Variants in RECK observed in about 807,000 individuals in gnomAD.
RECK encodes the protein reversion-inducing cysteine-rich protein with Kazal motifs.
In RECK, 69 loss-of-function variants were observed where a neutral mutation model predicts 115.1. The ratio of observed to expected loss-of-function variants is 0.60; its 90% CI spans 0.49 to 0.73. The LOEUF is 0.73. RECK is among the 30% of genes least tolerant of loss of function. The pLI, the probability that RECK is intolerant of heterozygous loss-of-function variation, is 0.00. For synonymous variants in RECK, 414 were observed against 419.7 expected (o/e 0.99, Z 0.17); for missense variants, 1,047 against 1,203.7 (o/e 0.87, Z 1.93).
At chr9:36,117,572 A>C (rs1587098662) in intron 17 of RECK, among the ~76,000 whole-genome samples, 1 of 152,228 alleles carries the variant, frequency 6.6e-6, no homozygotes, top group East Asian at 1.9e-4. Context: ...TTCCCACATC[A>C]GTCCCACCTC....
At chr9:36,089,560 T>A (rs568306104) in intron 9 of RECK, among the ~76,000 whole-genome samples, 2 of 152,312 alleles carry the variant, frequency 1.3e-5, no homozygotes, top group East Asian at 3.9e-4. Flanking sequence ...AGTGCTGACA[T>A]GACACCACAA....
At chr9:36,063,226 C>G (rs1419006118) in intron 4 of RECK, among the ~76,000 whole-genome samples, 2 of 152,104 alleles carry the variant, frequency 1.3e-5, no homozygotes, top group Non-Finnish European at 2.9e-5. Flanking sequence ...ATCAATTGAA[C>G]CAGAATAATA....
At chr9:36,107,195 G>A (rs557807478) in intron 13 of RECK, among the ~76,000 whole-genome samples, 1 of 151,568 alleles carries the variant, frequency 6.6e-6, no homozygotes, top group East Asian at 1.9e-4. Context: ...GATAGAAAAT[G>A]GAAAATGGGT....
At chr9:36,115,029 T>C (rs192413252) in intron 16 of RECK, among the ~76,000 whole-genome samples, 70 of 152,120 alleles carry the variant, frequency 4.6e-4, no homozygotes, top group Admixed American at 4.5e-3. Context: ...AAATAATTAA[T>C]TGTGGCCGGG....
chr9:36,075,397 TAA>T (rs1822411643), intron 6 of RECK, among the ~76,000 whole-genome samples: 2 of 152,172 alleles, frequency 1.3e-5, no homozygotes, highest in African/African-American at 4.8e-5. Context: ...TCTAGACCTA[TAA>T]AGCTCATTTC....
At chr9:36,096,766 G>A (rs1823357066) in intron 10 of RECK, among the ~76,000 whole-genome samples, 1 of 152,104 alleles carries the variant, frequency 6.6e-6, no homozygotes, top group African/African-American at 2.4e-5. Flanking sequence ...CAAAGATTTT[G>A]TAGACAGGAC....
chr9:36,096,230 C>T (rs1195503743), intron 10 of RECK, among the ~76,000 whole-genome samples: 2 of 147,094 alleles, frequency 1.4e-5, no homozygotes, highest in Non-Finnish European at 3.0e-5. Context: ...GAGTGAGACC[C>T]TATCTCAAAA....
chr9:36,115,451 G>A (rs942223449), intron 16 of RECK, among the ~76,000 whole-genome samples: 5 of 151,928 alleles, frequency 3.3e-5, no homozygotes, highest in African/African-American at 7.3e-5. Context: ...CCCTGCTCAC[G>A]TTTACTTTTA....
At chr9:36,092,358 G>A (rs1366592150) in intron 10 of RECK, among the ~76,000 whole-genome samples, 13 of 151,772 alleles carry the variant, frequency 8.6e-5, no homozygotes, top group Admixed American at 8.5e-4. Context: ...TCAAAAGCAG[G>A]AGGGTCTACA....
chr9:36,113,012 A>C (rs956804504), intron 16 of RECK, among the ~76,000 whole-genome samples: 6 of 152,334 alleles, frequency 3.9e-5, no homozygotes, highest in African/African-American at 1.4e-4. Flanking sequence ...GTTATATGCA[A>C]CTGTTTTAGA....
intron 3 of RECK, 132 bp from the exon 4 acceptor site, chr9:36,059,987 T>C (rs1021266547): frequency 5.4e-6 from 4 of 734,484 alleles, no homozygotes; most frequent in East Asian, 5.0e-5. Flanking sequence ...TTGATGTGCC[T>C]GTAGTTCTAG....
chr9:36,097,982 C>G (rs1823418256), intron 10 of RECK, among the ~76,000 whole-genome samples: 1 of 152,056 alleles, frequency 6.6e-6, no homozygotes, highest in Non-Finnish European at 1.5e-5. Flanking sequence ...AAATCAAACT[C>G]ATGGAAGCAG....
In RECK at chr9:36,102,207, GTA is replaced by G; in HGVS notation, c.1415_1416del (p.Ile472ThrfsTer13). ...TCACCTACAGATGATCTGAAGAATTGTATACCTTTGGATACATACCTCAGTAA... is the reference window on the plus strand; with the variant it reads ...TCACCTACAGATGATCTGAAGAATTGTACCTTTGGATACATACCTCAGTAA... On this transcript the variant is annotated frameshift_variant, in exon 12 of 21. Transcript: ENST00000377966. LOFTEE classifies it high-confidence loss of function. The G allele has an allele frequency of 6.2e-7, 1 of 1,613,088 alleles. No homozygotes were observed. Among genetic ancestry groups the G allele is most frequent in the Non-Finnish European group, 8.5e-7 (1 of 1,179,466 alleles).
intron 8 of RECK, chr9:36,085,321 TC>T (rs1822907105): frequency 6.2e-6 from 1 of 162,300 alleles, no homozygotes; most frequent in African/African-American, 2.4e-5. Context: ...GCTTTGTACA[TC>T]CTGGAATCCA....
At chr9:36,059,323 GCA>G (rs1251410116) in intron 3 of RECK, among the ~76,000 whole-genome samples, 1 of 151,964 alleles carries the variant, frequency 6.6e-6, no homozygotes. Flanking sequence ...AGACATGGTG[GCA>G]CACGCCTGTA....
chr9:36,038,048 C>G (rs1043593794), intron 1 of RECK, among the ~76,000 whole-genome samples: 1 of 149,504 alleles, frequency 6.7e-6, no homozygotes, highest in African/African-American at 2.5e-5. Flanking sequence ...GCGGTAGGCT[C>G]TCCCCTGTAA....
chr9:36,076,669 C>G (rs1018486104), intron 6 of RECK, among the ~76,000 whole-genome samples: 1 of 152,162 alleles, frequency 6.6e-6, no homozygotes, highest in Admixed American at 6.5e-5. Flanking sequence ...GGGCAGGGAA[C>G]TAGTTATTGA....
chr9:36,112,703 G>C (rs989150693), intron 16 of RECK, among the ~76,000 whole-genome samples: 2 of 152,204 alleles, frequency 1.3e-5, no homozygotes, highest in Non-Finnish European at 2.9e-5. Context: ...CCCTGGGGGA[G>C]CCTCTAGAGA....
At chr9:36,073,235 CACACAG>C (rs60396813) in intron 6 of RECK, among the ~76,000 whole-genome samples, 13,587 of 111,076 alleles carry the variant, frequency 0.12, 628 homozygotes, top group Middle Eastern at 0.24. Context: ...CACACAGACA[CACACAG>C]ACACACACAC....
Sources: gnomAD v4.1 joint callset for allele counts (sites outside exome capture counted in the v4.1 genomes callset) on GRCh38, gnomAD v4.1.1 for gene constraint, MANE v1.5 for transcripts, NCBI Gene and HGNC (gene_info 2026-07-23, HGNC 2026-07-21) for gene names.